Variants in CTNNA3 observed in about 807,000 individuals in gnomAD.
The protein encoded by CTNNA3 is catenin alpha 3.
In CTNNA3, 76 loss-of-function variants were observed where a neutral mutation model predicts 95.7. That is an observed-to-expected ratio of 0.79 (90% CI 0.66 to 0.96). The LOEUF is 0.96. Among genes scored for constraint, CTNNA3 ranks in the 40% least tolerant of loss-of-function variants. CTNNA3 has a pLI of 0.00. For missense variants in CTNNA3, 1,191 were observed against 1,089.8 expected (o/e 1.09, Z -1.31); for synonymous variants, 431 against 374.4 (o/e 1.15, Z -1.74).
At chr10:67,689,944 C>T (rs562853913) in intron 1 of CTNNA3, among the ~76,000 whole-genome samples, 4 of 152,266 alleles carry the variant, frequency 2.6e-5, no homozygotes, top group South Asian at 2.1e-4. Context: ...TGGCAATAGG[C>T]GAGAGTCCCA....
At chr10:66,559,701 C>T (rs904547854) in intron 10 of CTNNA3, among the ~76,000 whole-genome samples, 1 of 151,972 alleles carries the variant, frequency 6.6e-6, no homozygotes, top group African/African-American at 2.4e-5. Context: ...ATGTTCTTTC[C>T]TCATTTACTG....
At chr10:65,955,381 T>C (rs1019650112) in intron 17 of CTNNA3, among the ~76,000 whole-genome samples, 3 of 152,042 alleles carry the variant, frequency 2.0e-5, no homozygotes, top group African/African-American at 7.2e-5. Flanking sequence ...CCCTTTATTT[T>C]CTTCTCCTGC....
intron 11 of CTNNA3, among the ~76,000 whole-genome samples, chr10:66,505,687 C>G (rs1764371612): frequency 6.6e-6 from 1 of 151,954 alleles, no homozygotes. Context: ...CAGTCATGTG[C>G]TTTCATTTTT....
chr10:67,015,923 T>C (rs1407769179), intron 7 of CTNNA3, among the ~76,000 whole-genome samples: 1 of 152,128 alleles, frequency 6.6e-6, no homozygotes, highest in Non-Finnish European at 1.5e-5. Context: ...GTTTATTCTA[T>C]TTGTGTTGCT....
At chr10:66,413,164 G>C (rs1471293250) in intron 11 of CTNNA3, among the ~76,000 whole-genome samples, 1 of 152,086 alleles carries the variant, frequency 6.6e-6, no homozygotes, top group African/African-American at 2.4e-5. Flanking sequence ...ACAAGTCTTG[G>C]TGGTAATCCA....
intron 11 of CTNNA3, among the ~76,000 whole-genome samples, chr10:66,483,137 G>C (rs1000101674): frequency 6.6e-6 from 1 of 152,154 alleles, no homozygotes; most frequent in African/African-American, 2.4e-5. Context: ...TATTCTAATA[G>C]TTAAGAGGAC....
chr10:66,195,499 T>C (rs1006305091), intron 13 of CTNNA3, among the ~76,000 whole-genome samples: 2 of 152,108 alleles, frequency 1.3e-5, no homozygotes, highest in African/African-American at 4.8e-5. Context: ...TTTTTGGAGA[T>C]ACATACATAA....
intron 13 of CTNNA3, among the ~76,000 whole-genome samples, chr10:66,168,360 T>A (rs1336052622): frequency 6.6e-6 from 1 of 151,148 alleles, no homozygotes; most frequent in Non-Finnish European, 1.5e-5. Flanking sequence ...ATTTATTATT[T>A]TTTTTTAAAA....
At chr10:66,341,961 G>GTATA (rs747908721) in intron 12 of CTNNA3, among the ~76,000 whole-genome samples, 1 of 151,226 alleles carries the variant, frequency 6.6e-6, no homozygotes, top group African/African-American at 2.4e-5. Context: ...GTGTGTGTGT[G>GTATA]TATATATATA....
At chr10:66,652,879 G>A (rs770558699) in intron 9 of CTNNA3, among the ~76,000 whole-genome samples, 1 of 151,844 alleles carries the variant, frequency 6.6e-6, no homozygotes, top group African/African-American at 2.4e-5. Flanking sequence ...ACAGAATAAA[G>A]GACAGAAAAA....
chr10:66,947,660 T>C (rs1848342294), intron 7 of CTNNA3, among the ~76,000 whole-genome samples: 1 of 152,176 alleles, frequency 6.6e-6, no homozygotes, highest in Admixed American at 6.5e-5. Flanking sequence ...TCACCCTTGG[T>C]TTCACATACT....
At chr10:66,797,329 G>A (rs76598259) in intron 7 of CTNNA3, among the ~76,000 whole-genome samples, 13,601 of 150,670 alleles carry the variant, frequency 0.09, 797 homozygotes, top group Non-Finnish European at 0.13. Context: ...ATGGTTCCCA[G>A]GATGGCAATC....
intron 7 of CTNNA3, among the ~76,000 whole-genome samples, chr10:67,003,066 A>G (rs868552577): frequency 6.6e-6 from 1 of 152,164 alleles, no homozygotes; most frequent in South Asian, 2.1e-4. Flanking sequence ...ACTAACAAAC[A>G]TATGCAGTCT....
chr10:66,140,938 C>T (rs1362178251), intron 13 of CTNNA3, among the ~76,000 whole-genome samples: 1 of 152,052 alleles, frequency 6.6e-6, no homozygotes, highest in Non-Finnish European at 1.5e-5. Flanking sequence ...GTTTAAGAAA[C>T]ATCATAATCT....
chr10:66,481,461 C>CTTTTTT (rs148278459), intron 11 of CTNNA3, among the ~76,000 whole-genome samples: 18 of 73,240 alleles, frequency 2.5e-4, no homozygotes, highest in Non-Finnish European at 3.9e-4. Context: ...TCCCTTGTTT[C>CTTTTTT]TTTTTTTTTT....
intron 5 of CTNNA3, among the ~76,000 whole-genome samples, chr10:67,467,725 A>T (rs779733443): frequency 2.6e-5 from 4 of 151,318 alleles, no homozygotes; most frequent in Non-Finnish European, 5.9e-5. Flanking sequence ...TATTATTATT[A>T]TTTTTGAGAT....
intron 9 of CTNNA3, among the ~76,000 whole-genome samples, chr10:66,663,472 A>T (rs1345920033): frequency 5.4e-5 from 1 of 18,540 alleles, no homozygotes. Flanking sequence ...GCCTTTTACA[A>T]AAAAAAAAAA....
intron 5 of CTNNA3, among the ~76,000 whole-genome samples, chr10:67,332,055 A>C (rs1282998230): frequency 6.6e-6 from 1 of 152,202 alleles, no homozygotes; most frequent in Non-Finnish European, 1.5e-5. Flanking sequence ...AGAATGAAAA[A>C]CCTAATTACT....
chr10:66,317,500 C>G (rs962025531), intron 12 of CTNNA3, among the ~76,000 whole-genome samples: 2 of 151,786 alleles, frequency 1.3e-5, no homozygotes, highest in Non-Finnish European at 2.9e-5. Context: ...AGTGAAACCC[C>G]GTCTTTACTA....
Sources: allele counts gnomAD v4.1 joint callset (sites outside exome capture counted in the v4.1 genomes callset), GRCh38; gene constraint gnomAD v4.1.1; transcripts MANE v1.5; gene names NCBI Gene and HGNC (gene_info 2026-07-23, HGNC 2026-07-21).